The following COG5 variants were observed in gnomAD, a reference collection of about 807,000 sequenced individuals.
COG5 encodes the protein conserved oligomeric Golgi complex subunit 5.
Under a neutral mutation model 110.4 loss-of-function variants are expected in COG5, and 86 were observed. The ratio of observed to expected loss-of-function variants is 0.78; its 90% CI spans 0.65 to 0.93. COG5 has a LOEUF of 0.93. Ranked by LOEUF, COG5 falls within the 40% of genes least tolerant of loss-of-function variation. COG5 has a pLI of 0.00. For synonymous variants in COG5, 360 were observed against 334.6 expected, an observed-to-expected ratio of 1.08 and a Z score of -0.83; for missense variants, 1,077 against 987.0, an observed-to-expected ratio of 1.09 and a Z score of -1.22.
chr7:107,340,086 T>C (rs958652528), intron 10 of COG5, among the ~76,000 whole-genome samples: 36 of 151,638 alleles, frequency 2.4e-4, no homozygotes, highest in Admixed American at 4.6e-4. Context: ...AAACCAAAAA[T>C]TGGTTCTTTG....
In COG5 at chr7:107,203,546, C is replaced by A. The variant is rs1798515452; in HGVS notation, c.2460G>T (p.Leu820=). The change falls in exon 22 of 22, where the codon CTG becomes CTT. Residue 820 remains leucine, a synonymous_variant. Transcript: ENST00000297135. ...GAAGAGCAGACATAGCCTTTTGAAG[C>A]AGCTGAACCATTATGGGATAAACTG... The part of the protein sequence containing the change: ...FAPVYPIMVQ[L]LQKAMSALQ 1 of 1,613,466 alleles carries A rather than the reference C, an allele frequency of 6.2e-7. No homozygotes were observed. Among genetic ancestry groups the A allele is most frequent in the South Asian group, 1.1e-5 (1 of 91,084 alleles).
At chr7:107,336,533 G>A (rs1239572852) in intron 10 of COG5, among the ~76,000 whole-genome samples, 1 of 152,168 alleles carries the variant, frequency 6.6e-6, no homozygotes, top group Admixed American at 6.5e-5. Flanking sequence ...ATGGCTGGAA[G>A]AGAATAATTC....
chr7:107,217,254 A>C (rs1464024976), intron 19 of COG5, among the ~76,000 whole-genome samples: 3 of 152,172 alleles, frequency 2.0e-5, no homozygotes, highest in Non-Finnish European at 2.9e-5. Context: ...CATAATAAAA[A>C]GTCTCCAATC....
At chr7:107,405,659 T>A (rs756050575) in intron 7 of COG5, among the ~76,000 whole-genome samples, 1 of 152,222 alleles carries the variant, frequency 6.6e-6, no homozygotes, top group Non-Finnish European at 1.5e-5. Flanking sequence ...AGATAATACA[T>A]TTTCTCCCTT....
chr7:107,279,456 AC>A (rs1310609064), intron 14 of COG5, among the ~76,000 whole-genome samples: 1 of 152,194 alleles, frequency 6.6e-6, no homozygotes. Context: ...TCTTTCTTCC[AC>A]TAAAGACTTA....
At chr7:107,237,680 G>A (rs1801307688) in intron 17 of COG5, among the ~76,000 whole-genome samples, 1 of 152,218 alleles carries the variant, frequency 6.6e-6, no homozygotes, top group Non-Finnish European at 1.5e-5. Context: ...GTAGGCCTAT[G>A]TTCCAGCAGG....
At chr7:107,391,184 C>T (rs571102110) in intron 7 of COG5, among the ~76,000 whole-genome samples, 1 of 152,148 alleles carries the variant, frequency 6.6e-6, no homozygotes, top group East Asian at 1.9e-4. Flanking sequence ...TGAATAAATG[C>T]CCGGAAGGCC....
intron 6 of COG5, among the ~76,000 whole-genome samples, chr7:107,500,047 G>T (rs1798539891): frequency 6.6e-6 from 1 of 152,040 alleles, no homozygotes; most frequent in African/African-American, 2.4e-5. Flanking sequence ...TTATTAGGAA[G>T]AAGAGCACTC....
At chr7:107,291,783 G>C (rs1045466627) in intron 12 of COG5, among the ~76,000 whole-genome samples, 1 of 152,090 alleles carries the variant, frequency 6.6e-6, no homozygotes, top group Non-Finnish European at 1.5e-5. Context: ...TTCCAGGAGG[G>C]GCTCCTCCCA....
intron 7 of COG5, among the ~76,000 whole-genome samples, chr7:107,387,387 TG>T (rs1790288679): frequency 6.6e-6 from 1 of 152,176 alleles, no homozygotes; most frequent in Non-Finnish European, 1.5e-5. Context: ...CCTAAGCAAG[TG>T]CAAAGTGGCT....
In COG5 at chr7:107,510,617, AC is replaced by A. The variant is rs1277216093; in HGVS notation, c.538+16619del. Among the ~76,000 whole-genome samples, 10 of 152,282 alleles carry A rather than the reference AC, an allele frequency of 6.6e-5. No individual in the cohort carries two copies. In the East Asian group the frequency reaches 1.9e-3, roughly 29 times the overall value. On this transcript the variant is annotated intron_variant, in intron 6 of 21. Transcript: ENST00000297135. ...TACATTCTTTTCAGCACCACACCAC[AC>A]CTATTCCAAAATTGACCACATAGCT...
chr7:107,514,757 A>G (rs897237464), intron 6 of COG5, among the ~76,000 whole-genome samples: 2 of 152,228 alleles, frequency 1.3e-5, no homozygotes, highest in African/African-American at 4.8e-5. Flanking sequence ...TAGCACACAT[A>G]GTAGATATTC....
chr7:107,423,597 T>C (rs1793441667), intron 6 of COG5, among the ~76,000 whole-genome samples: 1 of 150,478 alleles, frequency 6.6e-6, no homozygotes, highest in South Asian at 2.1e-4. Flanking sequence ...TCAAGAGATA[T>C]ACACAAAAGT....
chr7:107,293,610 T>C (rs995896891), intron 12 of COG5, among the ~76,000 whole-genome samples: 1 of 152,174 alleles, frequency 6.6e-6, no homozygotes, highest in African/African-American at 2.4e-5. Flanking sequence ...CCACACTGCT[T>C]TTAGTTGTCC....
At chr7:107,389,266 T>C (rs1790445054) in intron 7 of COG5, among the ~76,000 whole-genome samples, 1 of 149,454 alleles carries the variant, frequency 6.7e-6, no homozygotes, top group South Asian at 2.1e-4. Flanking sequence ...AGATAGCCTA[T>C]AATAACGTGA....
chr7:107,419,064 G>C (rs1793087247), intron 6 of COG5, among the ~76,000 whole-genome samples: 1 of 152,164 alleles, frequency 6.6e-6, no homozygotes, highest in Admixed American at 6.5e-5. Context: ...GTAGAGATCT[G>C]ATGATGAAAC....
chr7:107,267,062 T>C (rs1225100425), intron 14 of COG5, among the ~76,000 whole-genome samples: 1 of 152,142 alleles, frequency 6.6e-6, no homozygotes, highest in Non-Finnish European at 1.5e-5. Flanking sequence ...ACAGTTAATA[T>C]ATAACCAAAA....
intron 11 of COG5, among the ~76,000 whole-genome samples, chr7:107,306,542 T>C (rs1168468752): frequency 6.6e-6 from 1 of 152,194 alleles, no homozygotes; most frequent in Non-Finnish European, 1.5e-5. Flanking sequence ...TAGGATGGAA[T>C]GAATGAAAAT....
At chr7:107,300,512 G>C (rs78888729) in intron 11 of COG5, among the ~76,000 whole-genome samples, 23,795 of 152,124 alleles carry the variant, frequency 0.16, 2,327 homozygotes, top group Non-Finnish European at 0.22. Context: ...GCAAAACTCA[G>C]TCATATGTCT....
Sources: allele counts gnomAD v4.1 joint callset (sites outside exome capture counted in the v4.1 genomes callset), GRCh38; gene constraint gnomAD v4.1.1; transcripts MANE v1.5; gene names NCBI Gene and HGNC (gene_info 2026-07-23, HGNC 2026-07-21).